The following STAG1 variants were observed in gnomAD, a reference collection of about 807,000 sequenced individuals.
The protein encoded by STAG1 is STAG1 cohesin complex component.
A neutral mutation model predicts 170.9 loss-of-function variants in STAG1; 26 were observed. The observed-to-expected ratio is 0.15, with a 90% CI of 0.11 to 0.21. The LOEUF is 0.21. Among genes scored for constraint, STAG1 ranks in the 10% least tolerant of loss-of-function variants. The pLI is 1.00. For missense variants in STAG1, 964 were observed against 1,509.5 expected (o/e 0.64, Z 5.99); for synonymous variants, 514 against 497.7 (o/e 1.03, Z -0.44).
At chr3:136,509,219 T>G (rs1933929413) in intron 7 of STAG1, among the ~76,000 whole-genome samples, 1 of 152,194 alleles carries the variant, frequency 6.6e-6, no homozygotes, top group Non-Finnish European at 1.5e-5. Context: ...CCCTGAAGGA[T>G]TCTCTTTCGA....
At chr3:136,393,808 C>G (rs369712744) in intron 22 of STAG1, among the ~76,000 whole-genome samples, 1 of 152,090 alleles carries the variant, frequency 6.6e-6, no homozygotes, top group South Asian at 2.1e-4. Flanking sequence ...GTTGGTCAGG[C>G]TGGTCTCCAA....
Position 136,633,962 on chromosome 3 carries a change from TAAAAA to T in STAG1, c.-83-2986_-83-2982del, listed in dbSNP as rs67810422. The stretch of plus-strand genomic sequence containing the variant: ...AACATGGTGAAACCCTGTCTCTACT[TAAAAA>T]AAAAAAAAAAAAAAAAAAAAAAAAT... On this transcript the variant is annotated intron_variant, in intron 1 of 33. Transcript: ENST00000383202. 9.1e-3 allele frequency among the ~76,000 whole-genome samples: 460 copies of T among 50,338 alleles called. 3 individuals are homozygous for T. Among genetic ancestry groups the T allele is most frequent in the Admixed American group, 0.029 (77 of 2,688 alleles). The allele number at this position is 50,338 out of a possible 152,430, so 33.0% of individuals were successfully genotyped here. A position where few individuals can be genotyped will look rare whatever the true frequency, so the allele number is the denominator to read the frequency against.
chr3:136,728,412 G>A (rs967090093), intron 1 of STAG1, among the ~76,000 whole-genome samples: 2 of 152,138 alleles, frequency 1.3e-5, no homozygotes, highest in Non-Finnish European at 2.9e-5. Flanking sequence ...GAGCATAAAG[G>A]AAGCCAGACT....
At chr3:136,685,500 A>G (rs1259471898) in intron 1 of STAG1, among the ~76,000 whole-genome samples, 1 of 152,232 alleles carries the variant, frequency 6.6e-6, no homozygotes, top group Non-Finnish European at 1.5e-5. Context: ...ATGAGTTGAA[A>G]CATATGTCCA....
chr3:136,352,551 T>C (rs1230381564), intron 28 of STAG1, among the ~76,000 whole-genome samples: 4 of 152,156 alleles, frequency 2.6e-5, no homozygotes, highest in Non-Finnish European at 4.4e-5. Context: ...CAACAGCACC[T>C]TGGCCCACAA....
chr3:136,505,451 CAATTT>C (rs1933709234), intron 7 of STAG1, among the ~76,000 whole-genome samples: 1 of 152,180 alleles, frequency 6.6e-6, no homozygotes, highest in Non-Finnish European at 1.5e-5. Flanking sequence ...AGCAATCTGA[CAATTT>C]AATGCCTGTT....
At chr3:136,655,755 C>T (rs1240045824) in intron 1 of STAG1, among the ~76,000 whole-genome samples, 1 of 150,326 alleles carries the variant, frequency 6.7e-6, no homozygotes, top group African/African-American at 2.5e-5. Context: ...CAGGGTAAGA[C>T]TCCATTAAAA....
intron 4 of STAG1, among the ~76,000 whole-genome samples, chr3:136,596,551 T>C (rs555293184): frequency 6.6e-6 from 1 of 152,328 alleles, no homozygotes; most frequent in Admixed American, 6.5e-5. Context: ...TATACCTATA[T>C]ATCATATAAA....
intron 7 of STAG1, among the ~76,000 whole-genome samples, chr3:136,520,653 T>A (rs186597211): frequency 3.3e-5 from 5 of 152,238 alleles, no homozygotes. Flanking sequence ...AAAGCAAAAG[T>A]GAAAACTAAT....
rs374655235 is a variant in STAG1, at chr3:136,338,466, G to A, written c.3673-16C>T. Reference sequence around the variant, plus strand: ...TTGATGGAGGCTGGAAAGAGAAATCGGTTTCTTAATTTTTTTCTGAGATCA... The same window carrying A: ...TTGATGGAGGCTGGAAAGAGAAATCAGTTTCTTAATTTTTTTCTGAGATCA... On this transcript the variant is annotated splice_polypyrimidine_tract_variant and intron_variant, in intron 32 of 33. Transcript: ENST00000383202. 2.5e-5 allele frequency: 40 copies of A among 1,604,800 alleles called. No homozygotes were observed. Among genetic ancestry groups the A allele is most frequent in the South Asian group, 1.1e-4 (10 of 90,416 alleles).
At chr3:136,406,461 T>G (rs867786650) in intron 21 of STAG1, among the ~76,000 whole-genome samples, 1 of 152,218 alleles carries the variant, frequency 6.6e-6, no homozygotes, top group Non-Finnish European at 1.5e-5. Flanking sequence ...GAAACTGTTA[T>G]GTATCTTGAT....
At chr3:136,547,704 G>C (rs923826319) in intron 5 of STAG1, among the ~76,000 whole-genome samples, 3 of 152,062 alleles carry the variant, frequency 2.0e-5, no homozygotes, top group Non-Finnish European at 2.9e-5. Flanking sequence ...ATATTCTATT[G>C]TATGTATATA....
At chr3:136,475,634 T>C (rs979477364) in intron 10 of STAG1, among the ~76,000 whole-genome samples, 4 of 152,170 alleles carry the variant, frequency 2.6e-5, no homozygotes, top group African/African-American at 7.2e-5. Flanking sequence ...TAAGACTCAA[T>C]GGTGGTAGAT....
chr3:136,361,889 T>C (rs566245216), intron 26 of STAG1, among the ~76,000 whole-genome samples: 5 of 149,056 alleles, frequency 3.4e-5, no homozygotes, highest in African/African-American at 1.2e-4. Flanking sequence ...TGGAATTACA[T>C]GTGTGAGCCA....
chr3:136,716,876 A>G (rs568410504), intron 1 of STAG1, among the ~76,000 whole-genome samples: 4 of 152,346 alleles, frequency 2.6e-5, no homozygotes, highest in East Asian at 1.9e-4. Context: ...GCAAATTACT[A>G]TATTTTTCCA....
intron 25 of STAG1, among the ~76,000 whole-genome samples, chr3:136,364,776 T>TA (rs1453534724): frequency 6.6e-6 from 1 of 152,220 alleles, no homozygotes; most frequent in African/African-American, 2.4e-5. Flanking sequence ...GTTTCCAAGC[T>TA]AAAGTCTACA....
intron 5 of STAG1, among the ~76,000 whole-genome samples, chr3:136,563,182 G>A (rs1576610564): frequency 1.3e-5 from 2 of 152,140 alleles, no homozygotes; most frequent in East Asian, 3.8e-4. Context: ...TAGATATCTT[G>A]AAAGGAGACA....
chr3:136,376,012 T>TAAATAAATAAA (rs1553796066), intron 23 of STAG1, among the ~76,000 whole-genome samples: 69 of 14,198 alleles, frequency 4.9e-3, no homozygotes, highest in Admixed American at 0.033. Context: ...AAATAAATAA[T>TAAATAAATAAA]TAACAAAATA....
chr3:136,614,639 TG>T (rs1939489461), intron 3 of STAG1, among the ~76,000 whole-genome samples: 1 of 152,220 alleles, frequency 6.6e-6, no homozygotes, highest in African/African-American at 2.4e-5. Flanking sequence ...TCAATTTAAA[TG>T]TGTATCTACA....
Sources: allele counts gnomAD v4.1 joint callset (sites outside exome capture counted in the v4.1 genomes callset), GRCh38; gene constraint gnomAD v4.1.1; transcripts MANE v1.5; gene names NCBI Gene and HGNC (gene_info 2026-07-23, HGNC 2026-07-21).